Variants in CPS1 observed in about 807,000 individuals in gnomAD.
CPS1 encodes carbamoyl-phosphate synthase [ammonia], mitochondrial.
In CPS1, 109 loss-of-function variants were observed where a neutral mutation model predicts 174.6. The observed-to-expected ratio is 0.62, with a 90% CI of 0.53 to 0.73. CPS1 has a LOEUF of 0.73. Among genes scored for constraint, CPS1 ranks in the 30% least tolerant of loss-of-function variants. The pLI is 0.00. For synonymous variants in CPS1, 637 were observed against 632.0 expected (o/e 1.01, Z -0.12); for missense variants, 1,689 against 1,821.9 (o/e 0.93, Z 1.33).
intron 1 of CPS1, among the ~76,000 whole-genome samples, chr2:210,528,807 A>C (rs1411227388): frequency 6.7e-6 from 1 of 150,254 alleles, no homozygotes; most frequent in Non-Finnish European, 1.5e-5. Flanking sequence ...ACTAGGAATC[A>C]AGACAACTTT....
chr2:210,594,747 A>T (rs1698432483), intron 12 of CPS1, 141 bp downstream of exon 12: 1 of 680,360 alleles, frequency 1.5e-6, no homozygotes, highest in African/African-American at 1.8e-5. Flanking sequence ...GTCATTTTGT[A>T]ACTAATTATT....
Position 210,647,993 on chromosome 2 carries a change from T to A in CPS1, c.3272T>A (p.Ile1091Asn). ...LQIDRAEDRS[I>N]FSAVLDELKV... ...ATCGACAGGGCTGAGGATCGCTCCA[T>A]CTTCTCAGCTGTCTTGGATGAGCTG... The change falls in exon 26 of 38, where the codon ATC becomes AAC. Residue 1091 changes from isoleucine (I) to asparagine (N), a missense_variant. Physicochemically the swap from Ile to Asn is moderately radical, Grantham distance 149. Transcript: ENST00000233072. 6.2e-7 allele frequency: 1 copy of A among 1,614,052 alleles called. No homozygotes were observed. The highest frequency in any genetic ancestry group is 1.3e-5 in the African/African-American group (1 of 75,046).
Position 210,521,702 on chromosome 2 carries a change from C to G in CPS1, c.4-35017C>G, listed in dbSNP as rs897075150. 2.0e-5 allele frequency among the ~76,000 whole-genome samples: 3 copies of G among 152,052 alleles called. No individual in the cohort carries two copies. In the East Asian group the frequency reaches 5.8e-4, roughly 30 times the overall value. On this transcript the variant is annotated intron_variant, in intron 1 of 38. Coordinates refer to the CPS1 transcript ENST00000430249. Reference sequence around the variant, plus strand: ...GTTTTTAAAAATATCTCTCATGACTCAACTGCTTGAACTTATGAAATAACT... The same window carrying G: ...GTTTTTAAAAATATCTCTCATGACTGAACTGCTTGAACTTATGAAATAACT...
At chr2:210,531,945 CAA>C (rs1335086618) in intron 1 of CPS1, among the ~76,000 whole-genome samples, 2 of 152,038 alleles carry the variant, frequency 1.3e-5, no homozygotes, top group Non-Finnish European at 2.9e-5. Context: ...GTTAGCAGCT[CAA>C]GTTTCCCAGG....
Position 210,576,495 on chromosome 2 carries a change from T to C in CPS1, c.381+5T>C, listed in dbSNP as rs1428125969. ...TTGGAGTCTAATGGAATCAAGGTAG[T>C]ACCAGTGGTGGCCATTTAAAAAGTC... is the stretch of plus-strand genomic sequence containing the variant. On this transcript the variant is annotated splice_donor_5th_base_variant and intron_variant, in intron 3 of 37. Coordinates refer to ENST00000233072, the MANE Select transcript of CPS1 (RefSeq NM_001875.5). 6.2e-7 allele frequency: 1 copy of C among 1,613,442 alleles called. No homozygotes were observed. Among genetic ancestry groups the C allele is most frequent in the Non-Finnish European group, 8.5e-7 (1 of 1,179,482 alleles).
intron 1 of CPS1, among the ~76,000 whole-genome samples, chr2:210,550,355 C>T (rs114791167): frequency 2.6e-3 from 393 of 151,952 alleles, no homozygotes; most frequent in African/African-American, 9.2e-3. Context: ...TGCTGTTGCC[C>T]CTGTTTTCTC....
intron 30 of CPS1, among the ~76,000 whole-genome samples, chr2:210,657,153 A>G (rs1002139483): frequency 1.3e-5 from 2 of 152,084 alleles, no homozygotes; most frequent in African/African-American, 2.4e-5. Flanking sequence ...TCTGGAATCT[A>G]TGCTTTCCCT....
At chr2:210,482,871 G>A (rs1694609749) in intron 1 of CPS1, among the ~76,000 whole-genome samples, 1 of 152,064 alleles carries the variant, frequency 6.6e-6, no homozygotes, top group South Asian at 2.1e-4. Context: ...GTACTTATAG[G>A]TGGTTATTTC....
intron 1 of CPS1, among the ~76,000 whole-genome samples, chr2:210,536,826 G>A (rs891579883): frequency 6.6e-6 from 1 of 152,136 alleles, no homozygotes; most frequent in African/African-American, 2.4e-5. Context: ...AAGAGCGTAA[G>A]AATAAATCAT....
At chr2:210,549,702 G>C (rs1251311479) in intron 1 of CPS1, among the ~76,000 whole-genome samples, 2 of 151,916 alleles carry the variant, frequency 1.3e-5, no homozygotes, top group Non-Finnish European at 2.9e-5. Flanking sequence ...TAGAACAAAG[G>C]AATTAGAAAA....
chr2:210,582,754 T>A (rs1697967362), intron 6 of CPS1, 45 bp downstream of exon 6: 2 of 1,376,668 alleles, frequency 1.5e-6, no homozygotes, highest in Non-Finnish European at 2.1e-6. Flanking sequence ...TTGATCCCAT[T>A]TAGACCTTCT....
intron 34 of CPS1, chr2:210,672,945 ATCTGTGC>A (rs1701362102): frequency 6.6e-6 from 1 of 152,194 alleles, no homozygotes; most frequent in Non-Finnish European, 1.5e-5. Context: ...TAGGATTTAG[ATCTGTGC>A]TCAGAAATAC....
intron 1 of CPS1, among the ~76,000 whole-genome samples, chr2:210,484,596 C>T (rs1043960351): frequency 6.6e-6 from 1 of 152,150 alleles, no homozygotes; most frequent in Non-Finnish European, 1.5e-5. Flanking sequence ...CAGATAGTAT[C>T]AAGGGACTGT....
chr2:210,517,352 C>T (rs1311042858), intron 1 of CPS1, among the ~76,000 whole-genome samples: 7 of 151,956 alleles, frequency 4.6e-5, no homozygotes, highest in Admixed American at 1.3e-4. Context: ...CAGAAGTCCA[C>T]GGCGTGCTCA....
At chr2:210,565,644 C>G (rs1431809739) in intron 1 of CPS1, among the ~76,000 whole-genome samples, 1 of 152,074 alleles carries the variant, frequency 6.6e-6, no homozygotes, top group Non-Finnish European at 1.5e-5. Flanking sequence ...GAGATTCAAA[C>G]AAAATCTCAT....
At chr2:210,573,139 A>G (rs1697570426) in intron 1 of CPS1, among the ~76,000 whole-genome samples, 159 bp from the exon 2 acceptor site, 1 of 152,084 alleles carries the variant, frequency 6.6e-6, no homozygotes, top group African/African-American at 2.4e-5. Context: ...ATTTGAAGAA[A>G]AGTGACAAGT....
At chr2:210,511,259 T>A (rs1695482674) in intron 1 of CPS1, among the ~76,000 whole-genome samples, 1 of 152,118 alleles carries the variant, frequency 6.6e-6, no homozygotes, top group African/African-American at 2.4e-5. Flanking sequence ...GAAACCATCA[T>A]TCTCAGCAAA....
At chr2:210,639,701 G>A (rs1574629008) in intron 23 of CPS1, among the ~76,000 whole-genome samples, 1 of 150,070 alleles carries the variant, frequency 6.7e-6, no homozygotes, top group East Asian at 1.9e-4. Context: ...TTTAAGAACT[G>A]CCTTAAGATA....
At chr2:210,587,218 T>C (rs1698139723) in intron 6 of CPS1, among the ~76,000 whole-genome samples, 2 of 152,114 alleles carry the variant, frequency 1.3e-5, no homozygotes, top group Admixed American at 1.3e-4. Context: ...CAAAATAAAC[T>C]GTTCTTTCAA....
Sources: gnomAD v4.1 joint callset for allele counts (sites outside exome capture counted in the v4.1 genomes callset) on GRCh38, gnomAD v4.1.1 for gene constraint, MANE v1.5 for transcripts, NCBI Gene and HGNC (gene_info 2026-07-23, HGNC 2026-07-21) for gene names.